Variants in CHCHD6 observed in about 807,000 individuals in gnomAD.
CHCHD6 encodes the protein coiled-coil-helix-coiled-coil-helix domain containing 6.
Under a neutral mutation model 32.3 loss-of-function variants are expected in CHCHD6, and 28 were observed. The ratio of observed to expected loss-of-function variants is 0.87; its 90% CI spans 0.64 to 1.19. The LOEUF is 1.19. Among genes scored for constraint, CHCHD6 ranks in the 50% most tolerant of loss-of-function variants. CHCHD6 has a pLI of 0.00. For missense variants in CHCHD6, 333 were observed against 307.0 expected (o/e 1.08, Z -0.63); for synonymous variants, 122 against 117.5 (o/e 1.04, Z -0.25).
At chr3:126,922,635 G>T (rs1248278423) in intron 6 of CHCHD6, among the ~76,000 whole-genome samples, 1 of 151,850 alleles carries the variant, frequency 6.6e-6, no homozygotes, top group African/African-American at 2.4e-5. Flanking sequence ...GTGTGTGTGT[G>T]TGTGTGTGTG....
At chr3:126,823,610 A>G (rs1178322667) in intron 4 of CHCHD6, among the ~76,000 whole-genome samples, 1 of 152,102 alleles carries the variant, frequency 6.6e-6, no homozygotes, top group African/African-American at 2.4e-5. Flanking sequence ...GTAGTTCTTA[A>G]GTTTTTCTAC....
At chr3:126,887,832 A>G (rs1047328384) in intron 5 of CHCHD6, among the ~76,000 whole-genome samples, 1 of 152,190 alleles carries the variant, frequency 6.6e-6, no homozygotes, top group Non-Finnish European at 1.5e-5. Context: ...CTTTTTGCTG[A>G]ATGAGAATCA....
intron 4 of CHCHD6, among the ~76,000 whole-genome samples, chr3:126,817,177 G>C (rs1214782174): frequency 6.6e-6 from 1 of 152,118 alleles, no homozygotes; most frequent in African/African-American, 2.4e-5. Flanking sequence ...ATAATATCCT[G>C]TGAGTTCAGG....
chr3:126,799,549 A>G (rs1458859409), intron 4 of CHCHD6, among the ~76,000 whole-genome samples: 2 of 152,224 alleles, frequency 1.3e-5, no homozygotes, highest in African/African-American at 4.8e-5. Context: ...TCTTTGTGTC[A>G]GGGTCAGAAC....
chr3:126,806,208 A>C (rs1181616984), intron 4 of CHCHD6, among the ~76,000 whole-genome samples: 3 of 150,272 alleles, frequency 2.0e-5, no homozygotes, highest in South Asian at 2.1e-4. Flanking sequence ...AATGGGATCT[A>C]ATTAAACTAA....
At chr3:126,736,789 T>A (rs1324921339) in intron 4 of CHCHD6, among the ~76,000 whole-genome samples, 1 of 152,174 alleles carries the variant, frequency 6.6e-6, no homozygotes, top group Admixed American at 6.5e-5. Flanking sequence ...GAGGTGTTTC[T>A]CCCTCTGAGT....
At chr3:126,751,517 A>AG in intron 4 of CHCHD6, among the ~76,000 whole-genome samples, 1 of 151,638 alleles carries the variant, frequency 6.6e-6, no homozygotes, top group East Asian at 1.9e-4. Flanking sequence ...AAAAAAAAAA[A>AG]AAAAAAAGCG....
chr3:126,945,337 A>G (rs918163307), intron 6 of CHCHD6, among the ~76,000 whole-genome samples: 1 of 152,010 alleles, frequency 6.6e-6, no homozygotes, highest in African/African-American at 2.4e-5. Flanking sequence ...GCTTTGGGCC[A>G]GAGCACCCCC....
chr3:126,795,743 C>T (rs933829721), intron 4 of CHCHD6, among the ~76,000 whole-genome samples: 1 of 152,070 alleles, frequency 6.6e-6, no homozygotes, highest in Non-Finnish European at 1.5e-5. Context: ...AGTAGAAAAA[C>T]CAGTCTAAGG....
At chr3:126,795,774 A>G (rs903108992) in intron 4 of CHCHD6, among the ~76,000 whole-genome samples, 29 of 152,266 alleles carry the variant, frequency 1.9e-4, no homozygotes, top group African/African-American at 6.0e-4. Flanking sequence ...AGGCCCTGCC[A>G]CTTCTCTCCT....
chr3:126,768,922 A>C (rs2107675950), intron 4 of CHCHD6, among the ~76,000 whole-genome samples: 1 of 152,282 alleles, frequency 6.6e-6, no homozygotes, highest in Non-Finnish European at 1.5e-5. Flanking sequence ...AGTTTCTTGT[A>C]GATTCTAGGT....
At chr3:126,947,066 A>G (rs181627261) in intron 6 of CHCHD6, among the ~76,000 whole-genome samples, 84 of 152,370 alleles carry the variant, frequency 5.5e-4, no homozygotes, top group Admixed American at 3.0e-3. Flanking sequence ...GAAAGAGAGA[A>G]CAGGGCCTGG....
At chr3:126,892,352 A>T (rs1383819289) in intron 5 of CHCHD6, among the ~76,000 whole-genome samples, 1 of 152,150 alleles carries the variant, frequency 6.6e-6, no homozygotes, top group Non-Finnish European at 1.5e-5. Context: ...TGGGTTTCTA[A>T]TCCATACACA....
chr3:126,723,459 A>T (rs979529505), intron 1 of CHCHD6, among the ~76,000 whole-genome samples: 1 of 152,182 alleles, frequency 6.6e-6, no homozygotes, highest in African/African-American at 2.4e-5. Context: ...TGCAGTTCAC[A>T]CTTGCGGATA....
intron 4 of CHCHD6, among the ~76,000 whole-genome samples, chr3:126,826,497 C>G (rs1206913531): frequency 1.3e-5 from 2 of 152,044 alleles, no homozygotes; most frequent in Non-Finnish European, 2.9e-5. Context: ...GTTCCCTTTC[C>G]TGTTTTGTGT....
At chr3:126,799,156 C>T (rs988380298) in intron 4 of CHCHD6, among the ~76,000 whole-genome samples, 3 of 152,100 alleles carry the variant, frequency 2.0e-5, no homozygotes, top group Admixed American at 6.5e-5. Context: ...TTTGTCCTCT[C>T]GGAATCTCTA....
chr3:126,838,305 A>G (rs1348524853), intron 4 of CHCHD6, among the ~76,000 whole-genome samples: 1 of 152,140 alleles, frequency 6.6e-6, no homozygotes, highest in East Asian at 1.9e-4. Flanking sequence ...TCTTCTTGGC[A>G]TGTTTCTGAG....
At position 126,914,710 on chromosome 3, in the gene CHCHD6, C is replaced by A. The variant is rs138284564; in HGVS notation, c.526C>A (p.Gln176Lys). The A allele has an allele frequency of 6.3e-7, 1 of 1,597,764 alleles. No homozygotes were observed. Among genetic ancestry groups the A allele is most frequent in the Non-Finnish European group, 8.6e-7 (1 of 1,165,068 alleles). The change falls in exon 6 of 8, where the codon CAA becomes AAA. Residue 176 changes from glutamine to lysine, a missense_variant. Physicochemically the swap from Gln to Lys is moderately conservative, Grantham distance 53. Coordinates refer to ENST00000290913, the MANE Select transcript of CHCHD6 (RefSeq NM_032343.3). Reference sequence around the variant, plus strand: ...TGAGATGTATAAACTGTCTTCAGAGCAATTCCATGAGGCAGCCTCAAAGAT... The same window carrying A: ...TGAGATGTATAAACTGTCTTCAGAGAAATTCCATGAGGCAGCCTCAAAGAT... The part of the protein sequence containing the change: ...NAEMYKLSSE[Q>K]FHEAASKMES...
chr3:126,807,055 G>C (rs1389876688), intron 4 of CHCHD6, among the ~76,000 whole-genome samples: 1 of 118,154 alleles, frequency 8.5e-6, no homozygotes, highest in Non-Finnish European at 1.7e-5. Flanking sequence ...CTGTGGGGTG[G>C]GGGGAGGGGG....
Sources: gnomAD v4.1 joint callset for allele counts (sites outside exome capture counted in the v4.1 genomes callset) on GRCh38, gnomAD v4.1.1 for gene constraint, MANE v1.5 for transcripts, NCBI Gene and HGNC (gene_info 2026-07-23, HGNC 2026-07-21) for gene names.